The following KAZN variants were observed in gnomAD, a reference collection of about 807,000 sequenced individuals.
KAZN encodes kazrin, periplakin interacting protein, also known as kazrin.
KAZN carries 40 observed loss-of-function variants against 87.4 expected under a neutral mutation model. The observed-to-expected ratio is 0.46, with a 90% CI of 0.36 to 0.60. KAZN has a LOEUF of 0.60. Among genes scored for constraint, KAZN ranks in the 20% least tolerant of loss-of-function variants. The probability of loss-of-function intolerance (pLI) is 0.00; values close to 1 mark genes in which losing one functional copy is unlikely to be tolerated. For missense variants in KAZN, 898 were observed against 1,073.9 expected, an observed-to-expected ratio of 0.84 and a Z score of 2.29; for synonymous variants, 466 against 458.3, an observed-to-expected ratio of 1.02 and a Z score of -0.22.
chr1:13,919,877 A>G (rs1488881912), intron 1 of KAZN, among the ~76,000 whole-genome samples: 1 of 152,118 alleles, frequency 6.6e-6, no homozygotes, highest in Non-Finnish European at 1.5e-5. Context: ...TAGAAGCTTT[A>G]TTGTTAACCT....
intron 1 of KAZN, among the ~76,000 whole-genome samples, chr1:14,819,198 C>A (rs976584827): frequency 2.0e-5 from 3 of 152,216 alleles, no homozygotes; most frequent in Non-Finnish European, 4.4e-5. Context: ...TATAGAAGGA[C>A]TCGTTCAATT....
At chr1:14,966,342 C>T (rs1664455119) in intron 2 of KAZN, among the ~76,000 whole-genome samples, 1 of 152,142 alleles carries the variant, frequency 6.6e-6, no homozygotes, top group Admixed American at 6.5e-5. Flanking sequence ...GTGAGAAGAG[C>T]AGCATTATTT....
intron 2 of KAZN, among the ~76,000 whole-genome samples, chr1:14,555,420 CA>C (rs1375555343): frequency 1.3e-5 from 2 of 152,194 alleles, no homozygotes; most frequent in Non-Finnish European, 2.9e-5. Context: ...AAGCTTTCTA[CA>C]ATTGTAGTTT....
rs1662209940 is a variant in KAZN at position 14,949,367 on chromosome 1, C to T, written c.227-11317C>T. Among the ~76,000 whole-genome samples, 1 of 152,130 alleles carries T rather than the reference C, an allele frequency of 6.6e-6. No individual in the cohort carries two copies. The highest frequency in any genetic ancestry group is 1.5e-5 in the Non-Finnish European group (1 of 68,038). ...GCCAGGCCCTGAGCAGAGGCCAGCA[C>T]TTCCCCATCCCTCCTGCCCAAGCAA... On this transcript the variant is annotated intron_variant, in intron 1 of 14. Transcript: ENST00000376030. The surrounding 1 kb of genome is among the most constrained non-coding windows in gnomAD (Gnocchi z 4.3).
intron 2 of KAZN, among the ~76,000 whole-genome samples, chr1:14,570,826 A>G (rs1170546194): frequency 6.6e-6 from 1 of 152,154 alleles, no homozygotes; most frequent in Non-Finnish European, 1.5e-5. Flanking sequence ...AAGTGGCTGT[A>G]GCATCTTATA....
chr1:14,997,188 TTTTC>T (rs1177491397), intron 2 of KAZN, among the ~76,000 whole-genome samples: 10 of 149,752 alleles, frequency 6.7e-5, no homozygotes, highest in Admixed American at 2.7e-4. Flanking sequence ...CTCTGTTTTC[TTTTC>T]TTTCTTTCTT....
intron 2 of KAZN, among the ~76,000 whole-genome samples, chr1:14,385,135 T>C (rs1429309647): frequency 6.6e-6 from 1 of 152,114 alleles, no homozygotes; most frequent in African/African-American, 2.4e-5. Context: ...TGATGGTAGT[T>C]TGTATTTCTG....
Position 14,824,860 on chromosome 1 carries a change from G to A in KAZN, c.227-135824G>A, listed in dbSNP as rs367906655. 7.9e-5 allele frequency among the ~76,000 whole-genome samples: 12 copies of A among 152,316 alleles called. No individual in the cohort carries two copies. The East Asian group carries it at 1.9e-3, about 25-fold the overall frequency. ...AGAGAATTCCTTGGCTTGGCTCTAT[G>A]AACCATGAGATATTTTGGTTTGAAG... On this transcript the variant is annotated intron_variant, in intron 1 of 14. Coordinates refer to ENST00000376030, the MANE Select transcript of KAZN (RefSeq NM_201628.3).
At chr1:14,001,536 A>T (rs12129911) in intron 1 of KAZN, among the ~76,000 whole-genome samples, 1 of 152,018 alleles carries the variant, frequency 6.6e-6, no homozygotes, top group Non-Finnish European at 1.5e-5. Flanking sequence ...AGAAGACCCC[A>T]TATAGCCAAG....
chr1:13,997,237 C>T (rs552844829), intron 1 of KAZN, among the ~76,000 whole-genome samples: 2 of 152,174 alleles, frequency 1.3e-5, no homozygotes, highest in South Asian at 4.2e-4. Context: ...CCTCAAAGAT[C>T]AAAACTAGAC....
chr1:15,067,233 C>A, intron 8 of KAZN: 1 of 985,540 alleles, frequency 1.0e-6, no homozygotes, highest in Non-Finnish European at 1.2e-6. Flanking sequence ...CTCCACCCTC[C>A]CCATTCTGGT....
intron 1 of KAZN, among the ~76,000 whole-genome samples, chr1:14,915,731 C>T (rs1215377169): frequency 5.9e-5 from 9 of 152,230 alleles, no homozygotes; most frequent in African/African-American, 2.2e-4. Context: ...GCTGCCTTTT[C>T]CAGCCACATC....
intron 1 of KAZN, among the ~76,000 whole-genome samples, chr1:14,035,236 C>A (rs908811568): frequency 6.6e-6 from 1 of 151,988 alleles, no homozygotes; most frequent in African/African-American, 2.4e-5. Flanking sequence ...AGTGGAATTG[C>A]GTTGTGATTG....
chr1:14,896,588 G>A (rs966402583), intron 1 of KAZN, among the ~76,000 whole-genome samples: 3 of 152,204 alleles, frequency 2.0e-5, no homozygotes, highest in Non-Finnish European at 4.4e-5. Context: ...GTAGAGAATG[G>A]ATCTCTGCTG....
chr1:14,340,978 C>T (rs868411610), intron 2 of KAZN, among the ~76,000 whole-genome samples: 3 of 141,658 alleles, frequency 2.1e-5, no homozygotes, highest in African/African-American at 7.9e-5. Flanking sequence ...ACCTCTGCCT[C>T]CCGGGTTCAA....
intron 2 of KAZN, among the ~76,000 whole-genome samples, chr1:14,274,053 C>T (rs1243611259): frequency 6.6e-6 from 1 of 152,124 alleles, no homozygotes; most frequent in Non-Finnish European, 1.5e-5. Flanking sequence ...CCAGGGTACC[C>T]GTGCTAGGAC....
chr1:14,891,316 C>T (rs926248551), intron 1 of KAZN, among the ~76,000 whole-genome samples: 1 of 152,116 alleles, frequency 6.6e-6, no homozygotes, highest in Non-Finnish European at 1.5e-5. Flanking sequence ...CCCCTTCCCA[C>T]CCTTTACCCT....
chr1:14,815,006 G>T (rs1359082292), intron 1 of KAZN, among the ~76,000 whole-genome samples: 1 of 152,156 alleles, frequency 6.6e-6, no homozygotes, highest in Admixed American at 6.5e-5. Flanking sequence ...CCAGTGGAAG[G>T]CAATGAGTGG....
intron 1 of KAZN, among the ~76,000 whole-genome samples, chr1:14,867,735 C>CG (rs778539890): frequency 4.9e-5 from 6 of 121,456 alleles, no homozygotes; most frequent in Non-Finnish European, 1.0e-4. Flanking sequence ...CCCCCCCCCC[C>CG]ACCCTGGGCA....
Sources: allele counts gnomAD v4.1 joint callset (sites outside exome capture counted in the v4.1 genomes callset), GRCh38; gene constraint gnomAD v4.1.1; non-coding constraint Gnocchi (gnomAD v3.1); transcripts MANE v1.5; gene names NCBI Gene and HGNC (gene_info 2026-07-23, HGNC 2026-07-21).